The following ZNF675 variants were observed in gnomAD, a reference collection of about 807,000 sequenced individuals.
The protein encoded by ZNF675 is zinc finger protein 675.
ZNF675 carries 36 observed loss-of-function variants against 56.1 expected under a neutral mutation model. The ratio of observed to expected loss-of-function variants is 0.64; its 90% CI spans 0.49 to 0.85. The LOEUF (loss-of-function observed/expected upper bound fraction) is 0.85, where lower values mean the gene tolerates loss of function less well. ZNF675 is among the 40% of genes least tolerant of loss of function. The pLI is 0.00. For missense variants in ZNF675, 663 were observed against 654.2 expected (o/e 1.01, Z -0.15); for synonymous variants, 200 against 218.9 (o/e 0.91, Z 0.76).
At chr19:23,684,153 T>C (rs1236105428) in intron 1 of ZNF675, among the ~76,000 whole-genome samples, 1 of 151,110 alleles carries the variant, frequency 6.6e-6, no homozygotes, top group Non-Finnish European at 1.5e-5. Flanking sequence ...TCCCAGCTAC[T>C]CGGGAGGCTG....
At chr19:23,668,266 G>A (rs1410400326) in intron 1 of ZNF675, among the ~76,000 whole-genome samples, 1 of 151,170 alleles carries the variant, frequency 6.6e-6, no homozygotes, top group Admixed American at 6.6e-5. Context: ...TAGATACAGA[G>A]TGTCGATTGG....
chr19:23,654,066 A>C lies in ZNF675; in HGVS notation c.867T>G (p.Cys289Trp). 1 of 1,613,794 alleles carries C rather than the reference A, an allele frequency of 6.2e-7. No homozygotes were observed. ...TTGAGAACTGGTTAAAGGCTTTGCC[A>C]CATTCTTCACATTTGTAGGGTTTCT... ...TGEKPYKCEE[C>W]GKAFNQFSNL... Residue 289 changes from cysteine to tryptophan, a missense_variant, in exon 4 of 4, where the codon TGT (cysteine) becomes TGG (tryptophan). By Grantham distance (215) the Cys-to-Trp change is radical (BLOSUM62 -2). This residue lies in a region of ZNF675 where 617 missense variants were observed against 590.5 expected (regional missense o/e 1.04). Transcript: ENST00000359788.
At chr19:23,685,564 GAGA>G (rs1167830218) in intron 1 of ZNF675, among the ~76,000 whole-genome samples, 1 of 152,158 alleles carries the variant, frequency 6.6e-6, no homozygotes, top group African/African-American at 2.4e-5. Context: ...TCTGTGCCTA[GAGA>G]AGATTTTTAA....
intron 1 of ZNF675, among the ~76,000 whole-genome samples, chr19:23,679,141 T>C (rs1599423744): frequency 8.6e-6 from 1 of 115,638 alleles, no homozygotes; most frequent in Non-Finnish European, 1.6e-5. Context: ...CACTCCAGCC[T>C]GGGCGACAGA....
intron 1 of ZNF675, among the ~76,000 whole-genome samples, chr19:23,678,231 T>C (rs1968325936): frequency 6.6e-6 from 1 of 151,132 alleles, no homozygotes; most frequent in Non-Finnish European, 1.5e-5. Context: ...TTTACAGATA[T>C]GTTATTTCTA....
At chr19:23,674,980 A>AG (rs904908516) in intron 1 of ZNF675, among the ~76,000 whole-genome samples, 5 of 57,376 alleles carry the variant, frequency 8.7e-5, no homozygotes, top group Non-Finnish European at 1.8e-4. Context: ...TCAAAAAAAA[A>AG]AAAAAGAGAG....
At chr19:23,674,407 C>A (rs10854074) in intron 1 of ZNF675, among the ~76,000 whole-genome samples, 1 of 151,156 alleles carries the variant, frequency 6.6e-6, no homozygotes, top group Non-Finnish European at 1.5e-5. Context: ...CTTTGGGAGG[C>A]TGAGGCAGGC....
chr19:23,662,912 AG>A, intron 2 of ZNF675, 119 bp downstream of exon 2: 1 of 858,466 alleles, frequency 1.2e-6, no homozygotes, highest in South Asian at 2.0e-5. Context: ...TGAACCCAGG[AG>A]GCGGAGGTTG....
At chr19:23,667,406 T>A (rs1416225266) in intron 1 of ZNF675, among the ~76,000 whole-genome samples, 2 of 152,142 alleles carry the variant, frequency 1.3e-5, no homozygotes, top group Non-Finnish European at 2.9e-5. Flanking sequence ...GCTTTTATTG[T>A]CTTACCTGGC....
At chr19:23,681,043 G>T (rs1281450684) in intron 1 of ZNF675, among the ~76,000 whole-genome samples, 6 of 151,756 alleles carry the variant, frequency 4.0e-5, no homozygotes, top group East Asian at 1.9e-4. Context: ...AGAGTGCAAT[G>T]TAAGTGGAAG....
chr19:23,685,096 C>T (rs1483803596), intron 1 of ZNF675, among the ~76,000 whole-genome samples: 3 of 152,004 alleles, frequency 2.0e-5, no homozygotes, highest in African/African-American at 7.2e-5. Context: ...TCCAAAATAG[C>T]TCGGATTACA....
chr19:23,654,342 C>T lies in ZNF675; in HGVS notation c.591G>A (p.Val197=), dbSNP rs1243051849. 6.8e-6 allele frequency: 11 copies of T among 1,611,572 alleles called. No individual in the cohort carries two copies. Among genetic ancestry groups the T allele is most frequent in the African/African-American group, 1.3e-5 (1 of 74,886 alleles). ...LTRHERNYTK[V]NFCKCEECEK... Reference sequence around the variant, plus strand: ...CACATTCTTCACATTTGCAGAAATTCACCTTGGTATAATTTCTTTCATGTC... The same window carrying T: ...CACATTCTTCACATTTGCAGAAATTTACCTTGGTATAATTTCTTTCATGTC... The change falls in exon 4 of 4, where the codon GTG becomes GTA. Residue 197 remains valine (V), a synonymous_variant. Transcript: ENST00000359788.
At chr19:23,683,011 A>G (rs1335180980) in intron 1 of ZNF675, among the ~76,000 whole-genome samples, 1 of 151,608 alleles carries the variant, frequency 6.6e-6, no homozygotes, top group Non-Finnish European at 1.5e-5. Context: ...CAACATGGTG[A>G]AACCCCATCT....
At chr19:23,677,701 C>T (rs1307510908) in intron 1 of ZNF675, among the ~76,000 whole-genome samples, 8 of 48,306 alleles carry the variant, frequency 1.7e-4, no homozygotes, top group African/African-American at 1.6e-4. Context: ...AGTGAGACTC[C>T]GTCTCAAAAA....
Position 23,653,018 on chromosome 19 carries a change from G to A in ZNF675, c.*208C>T. 1 of 473,410 alleles carries A rather than the reference G, an allele frequency of 2.1e-6. No homozygotes were observed. Among genetic ancestry groups the A allele is most frequent in the East Asian group, 3.4e-5 (1 of 29,324 alleles). The allele number at this position is 473,410 out of a possible 1,614,324, so 29.3% of individuals were successfully genotyped here. A position where few individuals can be genotyped will look rare whatever the true frequency, so the allele number is the denominator to read the frequency against. On this transcript the variant is annotated 3_prime_UTR_variant, in exon 4 of 4. Coordinates refer to ENST00000359788, the MANE Select transcript of ZNF675 (RefSeq NM_138330.3). Reference sequence around the variant, plus strand: ...TGTACAATTTTTCTTAAGTATAAACGCTTTCCTGTGCAATAAGGTTTGAGC... The same window carrying A: ...TGTACAATTTTTCTTAAGTATAAACACTTTCCTGTGCAATAAGGTTTGAGC...
At chr19:23,659,920 G>C (rs1163297506) in intron 3 of ZNF675, among the ~76,000 whole-genome samples, 2 of 152,062 alleles carry the variant, frequency 1.3e-5, no homozygotes, top group Non-Finnish European at 2.9e-5. Flanking sequence ...CACAGTTTAT[G>C]GTCAGTTCTG....
chr19:23,683,656 G>A (rs1042480107), intron 1 of ZNF675, among the ~76,000 whole-genome samples: 2 of 152,030 alleles, frequency 1.3e-5, no homozygotes, highest in African/African-American at 2.4e-5. Context: ...TCGTGACCTC[G>A]TGATCTGCCC....
At chr19:23,685,081 C>CA (rs756372789) in intron 1 of ZNF675, among the ~76,000 whole-genome samples, 19 of 152,058 alleles carry the variant, frequency 1.2e-4, no homozygotes, top group Non-Finnish European at 2.4e-4. Flanking sequence ...TCTCGGCTCT[C>CA]AGCCTCCAAA....
chr19:23,666,567 G>A (rs145460793), intron 1 of ZNF675, among the ~76,000 whole-genome samples: 193 of 152,224 alleles, frequency 1.3e-3, no homozygotes, highest in Admixed American at 3.4e-3. Flanking sequence ...CAATAAACCC[G>A]TTTTGTTCCT....
Sources: gnomAD v4.1 joint callset for allele counts (sites outside exome capture counted in the v4.1 genomes callset) on GRCh38, gnomAD v4.1.1 for gene constraint, gnomAD v4.1.1 regional missense constraint, MANE v1.5 for transcripts, NCBI Gene and HGNC (gene_info 2026-07-23, HGNC 2026-07-21) for gene names.